Variants in METTL21C observed in about 807,000 individuals in gnomAD.
METTL21C encodes the protein protein-lysine methyltransferase METTL21C.
In METTL21C, 21 loss-of-function variants were observed where a neutral mutation model predicts 25.9. The observed-to-expected ratio is 0.81, with a 90% confidence interval of 0.58 to 1.17. The LOEUF is 1.17. METTL21C is among the 50% of genes most tolerant of loss of function. The pLI, the probability that METTL21C is intolerant of heterozygous loss-of-function variation, is 0.00. For missense variants in METTL21C, 312 were observed against 315.1 expected (o/e 0.99, Z 0.07); for synonymous variants, 125 against 124.7 (o/e 1.00, Z -0.01).
At chr13:102,698,508 A>G (rs1339502825), upstream of METTL21C, among the ~76,000 whole-genome samples, 1 of 152,130 alleles carries the variant, frequency 6.6e-6, no homozygotes, top group Non-Finnish European at 1.5e-5. Flanking sequence ...CCTTTGAGAT[A>G]TTCTTTCACG....
At chr13:102,699,423 C>T (rs554871945), upstream of METTL21C, among the ~76,000 whole-genome samples, 20 of 152,244 alleles carry the variant, frequency 1.3e-4, 1 homozygote, top group South Asian at 1.0e-3. Flanking sequence ...CACCACAGCT[C>T]GCCCTGGGCT....
chr13:102,689,925 T>A (rs1275854080), intron 2 of METTL21C, among the ~76,000 whole-genome samples: 1 of 152,148 alleles, frequency 6.6e-6, no homozygotes, highest in Non-Finnish European at 1.5e-5. Flanking sequence ...CACCCTAGGT[T>A]TTAAATATGG....
chr13:102,689,461 C>G (rs957772067), intron 2 of METTL21C, among the ~76,000 whole-genome samples: 13 of 152,242 alleles, frequency 8.5e-5, no homozygotes, highest in African/African-American at 3.1e-4. Flanking sequence ...CTACCCTTCT[C>G]CCCATCCTGT....
At chr13:102,698,981 C>A (rs951758543), upstream of METTL21C, among the ~76,000 whole-genome samples, 1 of 152,136 alleles carries the variant, frequency 6.6e-6, no homozygotes, top group Non-Finnish European at 1.5e-5. Flanking sequence ...CACTGTGTAT[C>A]TATGGTCAAG....
In METTL21C at chr13:102,690,959, T is replaced by G; in HGVS notation, c.136A>C (p.Asn46His). The part of the protein sequence containing the change: ...DSTGGVLEES[N>H]KIEPSLHSLQ... ...CTATGAAGAGATGGTTCTATCTTGT[T>G]GGATTCTGTGAAGCAGAAAAATAAA... The change falls in exon 2 of 4, where the codon AAC (asparagine) becomes CAC (histidine). Residue 46 changes from asparagine to histidine, a missense_variant. Transcript: ENST00000267273. 1 of 1,613,842 alleles carries G rather than the reference T, an allele frequency of 6.2e-7. No homozygotes were observed. The highest frequency in any genetic ancestry group is 8.5e-7 in the Non-Finnish European group (1 of 1,179,966).
At chr13:102,693,094 T>C (rs1885870435) in intron 1 of METTL21C, among the ~76,000 whole-genome samples, 1 of 152,138 alleles carries the variant, frequency 6.6e-6, no homozygotes, top group African/African-American at 2.4e-5. Flanking sequence ...AGAAGCAGCA[T>C]GACTTCGCTG....
chr13:102,687,153 T>A, intron 2 of METTL21C, 96 bp from the exon 3 acceptor site: 1 of 847,560 alleles, frequency 1.2e-6, no homozygotes, highest in South Asian at 1.5e-5. Context: ...AAAAGACATG[T>A]TATTACATAT....
the METTL21C span, among the ~76,000 whole-genome samples, chr13:102,703,999 A>C: frequency 6.6e-6 from 1 of 152,234 alleles, no homozygotes; most frequent in East Asian, 1.9e-4. Flanking sequence ...TTAAGATGCA[A>C]TACTAAATAT....
At chr13:102,697,441 C>A (rs1311248551), upstream of METTL21C, among the ~76,000 whole-genome samples, 1 of 152,094 alleles carries the variant, frequency 6.6e-6, no homozygotes, top group Non-Finnish European at 1.5e-5. Flanking sequence ...AAGAATTACC[C>A]AGCTCAGAAT....
At position 102,694,384 on chromosome 13, in the gene METTL21C, C is replaced by G; in HGVS notation, c.115G>C (p.Gly39Arg). The G allele has an allele frequency of 1.3e-6, 2 of 1,570,774 alleles. No homozygotes were observed. Among genetic ancestry groups the G allele is most frequent in the Non-Finnish European group, 1.7e-6 (2 of 1,162,582 alleles). The change falls in exon 1 of 4, where the codon GGG (glycine) becomes CGG (arginine). Residue 39 changes from glycine to arginine, a missense_variant. Transcript: ENST00000267273. Reference protein sequence around the residue: ...KKGAPQKDSTGGVLEESNKIE... With the variant: ...KKGAPQKDSTRGVLEESNKIE... ...AGGAGGTTACCTTCTAGGACTCCCC[C>G]GGTGCTGTCTTTCTGCGGAGCCCCC...
At chr13:102,700,724 G>A in the METTL21C span, among the ~76,000 whole-genome samples, 1 of 152,136 alleles carries the variant, frequency 6.6e-6, no homozygotes, top group African/African-American at 2.4e-5. Context: ...TGAAATAAAT[G>A]TATCAGTGTG....
chr13:102,686,946 TACTG>T lies in METTL21C; in HGVS notation c.390_393del (p.Ser131PhefsTer2), dbSNP rs1250515797. On this transcript the variant is annotated frameshift_variant, in exon 3 of 4. Transcript: ENST00000267273. LOFTEE classifies it low-confidence loss of function (END_TRUNC). ...CAGGAATAAACAAACAAACCTAAAA[TACTG>T]GCCACAATGGAAACAAGGCCTGGTC... 6.2e-7 allele frequency: 1 copy of T among 1,613,122 alleles called. No individual in the cohort carries two copies. Among genetic ancestry groups the T allele is most frequent in the South Asian group, 1.1e-5 (1 of 91,060 alleles).
At chr13:102,687,795 A>G (rs957391409) in intron 2 of METTL21C, among the ~76,000 whole-genome samples, 11 of 152,304 alleles carry the variant, frequency 7.2e-5, no homozygotes, top group Admixed American at 7.2e-4. Context: ...GATTTTTTTA[A>G]ATGTTTTATA....
rs1276363815 is a variant in METTL21C at position 102,694,893 on chromosome 13, C to G, written c.-395G>C. On this transcript the variant is annotated 5_prime_UTR_variant, in exon 1 of 4. Transcript: ENST00000267273. The stretch of plus-strand genomic sequence containing the variant: ...TCTCTTTCTCTCTCTCTCTCTCTCT[C>G]TCTCTCTCACACACACACACACACA... Among the ~76,000 whole-genome samples the G allele has an allele frequency of 7.7e-6, 1 of 130,064 alleles. No homozygotes were observed. The highest frequency in any genetic ancestry group is 2.3e-4 in the East Asian group (1 of 4,374). 85.3% of individuals were successfully genotyped at this position (130,064 alleles called of 152,430 possible). A position where few individuals can be genotyped will look rare whatever the true frequency, so the allele number is the denominator to read the frequency against.
At chr13:102,699,569 G>A (rs1207609482), upstream of METTL21C, among the ~76,000 whole-genome samples, 2 of 152,208 alleles carry the variant, frequency 1.3e-5, no homozygotes, top group Non-Finnish European at 2.9e-5. Flanking sequence ...ACTTATAAGG[G>A]AGACTCAGTG....
intron 2 of METTL21C, among the ~76,000 whole-genome samples, chr13:102,688,935 G>A (rs915864963): frequency 1.1e-4 from 16 of 152,136 alleles, no homozygotes; most frequent in South Asian, 2.1e-4. Flanking sequence ...ACCTGAAGTC[G>A]CACAGGAAAA....
Position 102,686,181 on chromosome 13 carries a change from T to C in METTL21C, c.645A>G (p.Pro215=). The C allele has an allele frequency of 3.7e-6, 6 of 1,614,244 alleles. No individual in the cohort carries two copies. The highest frequency in any genetic ancestry group is 5.1e-6 in the Non-Finnish European group (6 of 1,180,040). ...TGTTTGCCCAAAGCAGCACCGTCCCTGGCTGGGAAAGGTACACCATGGTGG... is the reference window on the plus strand; with the variant it reads ...TGTTTGCCCAAAGCAGCACCGTCCCCGGCTGGGAAAGGTACACCATGGTGG... ...LLTTMVYLSQ[P]GTVLLWANKF... Residue 215 remains proline (P), a synonymous_variant, in exon 4 of 4, where the codon CCA becomes CCG. Transcript: ENST00000267273.
upstream of METTL21C, among the ~76,000 whole-genome samples, chr13:102,696,724 G>A (rs1252565375): frequency 1.3e-5 from 2 of 152,152 alleles, no homozygotes; most frequent in Non-Finnish European, 2.9e-5. Context: ...TCAACTCCAG[G>A]CTCTGGCAAT....
upstream of METTL21C, among the ~76,000 whole-genome samples, chr13:102,695,267 C>T (rs1013833525): frequency 3.9e-5 from 6 of 151,978 alleles, no homozygotes; most frequent in African/African-American, 9.7e-5. Context: ...TGAGAAGGGA[C>T]GGGAGTCAAA....
Sources: allele counts gnomAD v4.1 joint callset (sites outside exome capture counted in the v4.1 genomes callset), GRCh38; gene constraint gnomAD v4.1.1; transcripts MANE v1.5; gene names NCBI Gene and HGNC (gene_info 2026-07-23, HGNC 2026-07-21).